Variants in TENM3 observed in about 807,000 individuals in gnomAD.
The protein encoded by TENM3 is teneurin transmembrane protein 3.
In TENM3, 63 loss-of-function variants were observed where a neutral mutation model predicts 255.1. The observed-to-expected ratio is 0.25, with a 90% confidence interval of 0.20 to 0.30. TENM3 has a LOEUF of 0.30. Ranked by LOEUF, TENM3 falls within the 10% of genes least tolerant of loss-of-function variation. TENM3 has a pLI of 1.00. For synonymous variants in TENM3, 1,306 were observed against 1,322.3 expected, an observed-to-expected ratio of 0.99 and a Z score of 0.27; for missense variants, 2,929 against 3,461.1, an observed-to-expected ratio of 0.85 and a Z score of 3.86.
chr4:182,638,281 A>G (rs1391445263), intron 5 of TENM3, among the ~76,000 whole-genome samples: 3 of 152,248 alleles, frequency 2.0e-5, no homozygotes, highest in Admixed American at 2.0e-4. Flanking sequence ...GTAAAGGAAA[A>G]GATATCTCTG....
chr4:181,855,382 C>G, the TENM3 span, among the ~76,000 whole-genome samples: 1 of 152,254 alleles, frequency 6.6e-6, no homozygotes, highest in African/African-American at 2.4e-5. Context: ...CTTCTCTAAA[C>G]TTATATAACA....
At chr4:182,534,418 G>A (rs1054900215) in intron 3 of TENM3, among the ~76,000 whole-genome samples, 3 of 152,168 alleles carry the variant, frequency 2.0e-5, no homozygotes, top group Admixed American at 6.6e-5. Flanking sequence ...TTTATTTCAT[G>A]TGCAAAGCAG....
At chr4:182,200,556 A>G (rs1273455636) in intron 1 of TENM3, among the ~76,000 whole-genome samples, 1 of 152,230 alleles carries the variant, frequency 6.6e-6, no homozygotes. Flanking sequence ...AAGACGGAGC[A>G]CAGTGTCCTT....
intron 22 of TENM3, among the ~76,000 whole-genome samples, chr4:182,768,988 C>G (rs947313095): frequency 2.6e-5 from 4 of 152,116 alleles, no homozygotes; most frequent in Non-Finnish European, 5.9e-5. Flanking sequence ...TTCAAATTCC[C>G]TGGAGCCTAT....
Position 182,799,911 on chromosome 4 carries a change from A to G in TENM3, c.7660A>G (p.Thr2554Ala). Residue 2554 changes from threonine (T) to alanine (A), a missense_variant, in exon 28 of 28, where the codon ACG becomes GCG. By Grantham distance (58) the Thr-to-Ala change is moderately conservative. Around this residue, in one of 6 missense-constraint regions of TENM3, gnomAD observed 476 missense variants for 480.1 expected, o/e 0.99. Transcript: ENST00000511685. The surrounding 1 kb of genome is among the most constrained non-coding windows in gnomAD (Gnocchi z 4.2). ...KDTHYFIKTTTPESDLGTLRL... is the reference protein window; with the variant it reads ...KDTHYFIKTTAPESDLGTLRL... The stretch of plus-strand genomic sequence containing the variant: ...CACGCACTACTTCATCAAGACCACC[A>G]CGCCCGAGAGCGACCTGGGCACGCT... 1.2e-6 allele frequency: 2 copies of G among 1,606,104 alleles called. No individual in the cohort carries two copies. The highest frequency in any genetic ancestry group is 1.7e-6 in the Non-Finnish European group (2 of 1,176,634).
intron 3 of TENM3, among the ~76,000 whole-genome samples, chr4:182,356,183 C>A (rs1765513043): frequency 6.6e-6 from 1 of 151,994 alleles, no homozygotes; most frequent in Non-Finnish European, 1.5e-5. Flanking sequence ...AAGAGACATA[C>A]TGTGATCAGC....
At chr4:182,561,401 G>A (rs562566560) in intron 3 of TENM3, among the ~76,000 whole-genome samples, 2 of 151,232 alleles carry the variant, frequency 1.3e-5, no homozygotes, top group South Asian at 4.2e-4. Context: ...AGATAGCAAA[G>A]CAGAACTATG....
At chr4:181,989,754 G>A in the TENM3 span, among the ~76,000 whole-genome samples, 1 of 152,024 alleles carries the variant, frequency 6.6e-6, no homozygotes. Flanking sequence ...CGTATTAACT[G>A]GCCAAAATGT....
At chr4:181,890,823 T>C in the TENM3 span, among the ~76,000 whole-genome samples, 2 of 152,194 alleles carry the variant, frequency 1.3e-5, no homozygotes, top group Non-Finnish European at 2.9e-5. Flanking sequence ...TGAAATATTT[T>C]AGTGGGTTGC....
At chr4:181,563,393 C>T in the TENM3 span, among the ~76,000 whole-genome samples, 1 of 152,190 alleles carries the variant, frequency 6.6e-6, no homozygotes, top group Non-Finnish European at 1.5e-5. Flanking sequence ...GGACACCAGG[C>T]ATTTTGGATT....
the TENM3 span, among the ~76,000 whole-genome samples, chr4:181,644,567 T>A: frequency 6.6e-6 from 1 of 152,154 alleles, no homozygotes; most frequent in Non-Finnish European, 1.5e-5. Flanking sequence ...AACTGTCCTA[T>A]TCACACCTTC....
At chr4:182,453,403 A>G (rs1220193619) in intron 3 of TENM3, among the ~76,000 whole-genome samples, 2 of 152,164 alleles carry the variant, frequency 1.3e-5, no homozygotes, top group African/African-American at 4.8e-5. Flanking sequence ...AAATTTGGGA[A>G]ACGACATACT....
At chr4:182,030,810 T>A in the TENM3 span, among the ~76,000 whole-genome samples, 1 of 152,154 alleles carries the variant, frequency 6.6e-6, no homozygotes, top group Non-Finnish European at 1.5e-5. Flanking sequence ...ATCAGTGACG[T>A]TGAGCGTTTT....
At chr4:182,331,687 CAAAA>C (rs1177512684) in intron 2 of TENM3, among the ~76,000 whole-genome samples, 1 of 151,670 alleles carries the variant, frequency 6.6e-6, no homozygotes, top group Non-Finnish European at 1.5e-5. Context: ...TGAATACAAA[CAAAA>C]AGAAAGGAGG....
the TENM3 span, among the ~76,000 whole-genome samples, chr4:181,737,926 T>G: frequency 2.0e-5 from 3 of 151,272 alleles, no homozygotes; most frequent in South Asian, 6.3e-4. Context: ...AATTGCCAAC[T>G]CGTATCTGGG....
intron 12 of TENM3, among the ~76,000 whole-genome samples, chr4:182,708,669 G>A (rs1332043189): frequency 6.6e-6 from 1 of 152,072 alleles, no homozygotes; most frequent in African/African-American, 2.4e-5. Flanking sequence ...GTGGTGGCGG[G>A]CGCCTGTAGT....
At chr4:182,042,881 G>A in the TENM3 span, among the ~76,000 whole-genome samples, 1 of 570 alleles carries the variant, frequency 1.8e-3, no homozygotes, top group African/African-American at 3.6e-3. Context: ...TCGTGTGTGC[G>A]TGTGTGTGTG....
the TENM3 span, among the ~76,000 whole-genome samples, chr4:181,664,546 A>G: frequency 1.6e-4 from 24 of 152,272 alleles, no homozygotes; most frequent in East Asian, 3.5e-3. Context: ...GAACTGGTAC[A>G]TGAAAAGTGC....
intron 3 of TENM3, among the ~76,000 whole-genome samples, chr4:182,510,622 T>C (rs1254103280): frequency 1.3e-5 from 2 of 152,216 alleles, no homozygotes; most frequent in Admixed American, 1.3e-4. Context: ...TTTCCCTATT[T>C]GTCCTTACCA....
Sources: gnomAD v4.1 joint callset for allele counts (sites outside exome capture counted in the v4.1 genomes callset) on GRCh38, gnomAD v4.1.1 for gene constraint, gnomAD v4.1.1 regional missense constraint, Gnocchi (gnomAD v3.1) non-coding constraint, MANE v1.5 for transcripts, NCBI Gene and HGNC (gene_info 2026-07-23, HGNC 2026-07-21) for gene names.